Variants in TSC22D3 observed in about 807,000 individuals in gnomAD.
TSC22D3 encodes TSC22 domain family protein 3.
TSC22D3 carries 4 observed loss-of-function variants against 11.1 expected under a neutral mutation model. That is an observed-to-expected ratio of 0.36 (90% CI 0.18 to 0.83). TSC22D3 has a LOEUF of 0.83. Ranked by LOEUF, TSC22D3 falls within the 40% of genes least tolerant of loss-of-function variation. TSC22D3 has a pLI of 0.48. For missense variants in TSC22D3, 118 were observed against 159.4 expected (o/e 0.74, Z 1.40); for synonymous variants, 77 against 70.3 (o/e 1.10, Z -0.48).
At position 107,775,577 on chromosome X, in the gene TSC22D3, C is replaced by G. The variant is rs1043133474; in HGVS notation, c.-158G>C. On this transcript the variant is annotated 5_prime_UTR_variant, in exon 1 of 3. Transcript: ENST00000372383. The stretch of plus-strand genomic sequence containing the variant: ...CGCCTAAAGCCAGCCACCTTCGGCT[C>G]GGCCCCCTTCTGGCTGTACTGCTCC... 4.6e-6 allele frequency: 2 copies of G among 437,564 alleles called. No individual in the cohort carries two copies. Among genetic ancestry groups the G allele is most frequent in the Admixed American group, 8.3e-5 (2 of 24,138 alleles). The allele number at this position is 437,564 out of a possible 1,213,427, so 36.1% of individuals were successfully genotyped here.
At chrX:107,744,819 G>A (rs1055555144) in intron 1 of TSC22D3, among the ~76,000 whole-genome samples, 13 of 111,786 alleles carry the variant, frequency 1.2e-4, no homozygotes, top group East Asian at 2.8e-4. Flanking sequence ...TTTTTTCCAT[G>A]TATATCCCAT....
chrX:107,718,312 G>A (rs1404780842), intron 1 of TSC22D3, among the ~76,000 whole-genome samples: 2 of 112,193 alleles, frequency 1.8e-5, no homozygotes, highest in African/African-American at 6.5e-5. Context: ...TGATGCAACC[G>A]GGAATATTAT....
At chrX:107,718,110 G>T (rs750968224) in intron 1 of TSC22D3, among the ~76,000 whole-genome samples, 44 of 111,833 alleles carry the variant, frequency 3.9e-4, no homozygotes, top group Middle Eastern at 9.3e-3. Context: ...ACAAGATGAG[G>T]TGATTGTTCC....
chrX:107,761,512 G>A lies in TSC22D3; in HGVS notation c.320+13588C>T, dbSNP rs192577203. Among the ~76,000 whole-genome samples, 131 of 112,669 alleles carry A rather than the reference G, an allele frequency of 1.2e-3. 1 individual carries two copies. The highest frequency in any genetic ancestry group is 4.2e-3 in the African/African-American group (129 of 31,037). The stretch of plus-strand genomic sequence containing the variant: ...GGCCACTGCTGGGGGTCAATTTCAA[G>A]TGCAATTTTCACGCATTAGTTCTTT... On this transcript the variant is annotated intron_variant, in intron 1 of 2. Transcript: ENST00000372383.
chrX:107,732,186 T>C (rs950668171), intron 1 of TSC22D3, among the ~76,000 whole-genome samples: 2 of 108,188 alleles, frequency 1.8e-5, no homozygotes, highest in African/African-American at 6.8e-5. Flanking sequence ...GCTTCCTTGT[T>C]CAGCCACTGC....
At chrX:107,715,270 G>A (rs1271199612) in intron 2 of TSC22D3, among the ~76,000 whole-genome samples, 11 of 112,024 alleles carry the variant, frequency 9.8e-5, no homozygotes, top group Non-Finnish European at 2.1e-4. Flanking sequence ...TCCTGCAGCC[G>A]GCCAGTTAGC....
At chrX:107,762,926 G>A (rs1315785747) in intron 1 of TSC22D3, among the ~76,000 whole-genome samples, 2 of 96,427 alleles carry the variant, frequency 2.1e-5, no homozygotes, top group African/African-American at 7.8e-5. Flanking sequence ...GCACGATCTC[G>A]GATCACTGCA....
At chrX:107,761,758 C>T (rs997433438) in intron 1 of TSC22D3, among the ~76,000 whole-genome samples, 2 of 111,994 alleles carry the variant, frequency 1.8e-5, no homozygotes, top group Non-Finnish European at 3.8e-5. Flanking sequence ...TTTCCCTGCT[C>T]CTAATCTGAC....
intron 1 of TSC22D3, among the ~76,000 whole-genome samples, chrX:107,766,268 T>C (rs545139181): frequency 1.8e-5 from 2 of 111,999 alleles, no homozygotes; most frequent in South Asian, 7.4e-4. Context: ...ACTAAGCCGG[T>C]AATGTAATTT....
intron 1 of TSC22D3, among the ~76,000 whole-genome samples, chrX:107,719,949 A>G (rs1479455667): frequency 9.0e-6 from 1 of 111,501 alleles, no homozygotes; most frequent in Non-Finnish European, 1.9e-5. Context: ...ATCCTCAAAG[A>G]AAGCTATCTG....
intron 1 of TSC22D3, among the ~76,000 whole-genome samples, chrX:107,724,764 A>G (rs1927531020): frequency 8.9e-6 from 1 of 112,274 alleles, no homozygotes; most frequent in Non-Finnish European, 1.9e-5. Context: ...TTGAAGCCTC[A>G]TACTGCATAC....
At chrX:107,716,805 T>C (rs750879999) in intron 1 of TSC22D3, 2 of 1,206,692 alleles carry the variant, frequency 1.7e-6, no homozygotes, top group Admixed American at 4.4e-5. Context: ...TACATTTCGG[T>C]GTTCATGGCT....
In TSC22D3 at chrX:107,716,669, G is replaced by A. The variant is rs768089069; in HGVS notation, c.321-719C>T. On this transcript the variant is annotated intron_variant, in intron 1 of 2. Coordinates refer to ENST00000372383, the MANE Select transcript of TSC22D3 (RefSeq NM_198057.3). ...CCGGCGCCCCGGCTCGGGAGGCGCC[G>A]GAGCTGGGGCCAGCGGTTACCTGTT... The A allele has an allele frequency of 4.2e-5, 50 of 1,187,855 alleles. No individual in the cohort carries two copies. In the South Asian group the frequency reaches 8.0e-4, roughly 19 times the overall value.
At chrX:107,773,713 A>T (rs1431561412) in intron 1 of TSC22D3, among the ~76,000 whole-genome samples, 2 of 112,123 alleles carry the variant, frequency 1.8e-5, no homozygotes, top group Non-Finnish European at 3.8e-5. Context: ...ACGACTTGTT[A>T]TAATAACACT....
intron 1 of TSC22D3, among the ~76,000 whole-genome samples, chrX:107,718,596 CT>C (rs1261182290): frequency 8.8e-6 from 1 of 113,351 alleles, no homozygotes; most frequent in African/African-American, 3.2e-5. Flanking sequence ...CCTTGATTTC[CT>C]CCCGGCTTCC....
intron 1 of TSC22D3, among the ~76,000 whole-genome samples, chrX:107,760,607 G>T (rs774970060): frequency 8.9e-6 from 1 of 112,270 alleles, no homozygotes; most frequent in Non-Finnish European, 1.9e-5. Flanking sequence ...GCACGTGGAG[G>T]TACAAGGTGT....
At chrX:107,756,867 C>T (rs1736900894) in intron 1 of TSC22D3, among the ~76,000 whole-genome samples, 1 of 112,604 alleles carries the variant, frequency 8.9e-6, no homozygotes, top group African/African-American at 3.2e-5. Flanking sequence ...GTGCCCCATG[C>T]CCACATCAGT....
At chrX:107,736,284 G>T (rs1928130692) in intron 1 of TSC22D3, among the ~76,000 whole-genome samples, 1 of 111,698 alleles carries the variant, frequency 9.0e-6, no homozygotes, top group East Asian at 2.8e-4. Context: ...GAAGTGACCT[G>T]CCTAAGGTCA....
chrX:107,756,650 C>T (rs994197754), intron 1 of TSC22D3, among the ~76,000 whole-genome samples: 2 of 112,464 alleles, frequency 1.8e-5, no homozygotes, highest in African/African-American at 6.5e-5. Context: ...GGGCACCGGC[C>T]GTTATTATTT....
Sources: allele counts gnomAD v4.1 joint callset (sites outside exome capture counted in the v4.1 genomes callset), GRCh38; gene constraint gnomAD v4.1.1; transcripts MANE v1.5; gene names NCBI Gene and HGNC (gene_info 2026-07-23, HGNC 2026-07-21).